The following ABCA13 variants were observed in gnomAD, a reference collection of about 807,000 sequenced individuals.
ABCA13 encodes ATP binding cassette subfamily A member 13, also known as ATP-binding cassette sub-family A member 13.
A neutral mutation model predicts 478.7 loss-of-function variants in ABCA13; 476 were observed. The observed-to-expected ratio is 0.99, with a 90% CI of 0.92 to 1.07. The LOEUF (loss-of-function observed/expected upper bound fraction) is 1.07. Ranked by LOEUF, ABCA13 falls within the 50% of genes least tolerant of loss-of-function variation. The pLI, the probability that ABCA13 is intolerant of heterozygous loss-of-function variation, is 0.00. For synonymous variants in ABCA13, 2,252 were observed against 2,158.9 expected, an observed-to-expected ratio of 1.04 and a Z score of -1.20; for missense variants, 6,060 against 5,910.6, an observed-to-expected ratio of 1.03 and a Z score of -0.83.
At chr7:48,602,284 A>G (rs1364813319) in intron 58 of ABCA13, among the ~76,000 whole-genome samples, 1 of 152,130 alleles carries the variant, frequency 6.6e-6, no homozygotes, top group Non-Finnish European at 1.5e-5. Flanking sequence ...TGTTTTAGTC[A>G]TGAAGTCTTT....
intron 13 of ABCA13, among the ~76,000 whole-genome samples, chr7:48,247,956 C>G (rs1300595672): frequency 1.3e-5 from 2 of 152,180 alleles, no homozygotes; most frequent in African/African-American, 2.4e-5. Context: ...GTCTGGTTCA[C>G]AGGCTACTTG....
At chr7:48,414,415 A>G (rs1819680485) in intron 41 of ABCA13, among the ~76,000 whole-genome samples, 2 of 152,116 alleles carry the variant, frequency 1.3e-5, no homozygotes, top group African/African-American at 4.8e-5. Flanking sequence ...TGCCCAGGAC[A>G]GTTACTGGCA....
intron 46 of ABCA13, among the ~76,000 whole-genome samples, chr7:48,482,084 A>G (rs896377163): frequency 5.9e-5 from 9 of 152,140 alleles, no homozygotes; most frequent in Non-Finnish European, 8.8e-5. Flanking sequence ...AGTTTAATAG[A>G]TACAAGATAC....
intron 59 of ABCA13, among the ~76,000 whole-genome samples, chr7:48,631,132 C>A (rs1036773134): frequency 6.6e-6 from 1 of 151,876 alleles, no homozygotes; most frequent in African/African-American, 2.4e-5. Context: ...TTGATAGTTT[C>A]TTTTGCTTTG....
chr7:48,480,480 G>C (rs996277025), intron 45 of ABCA13, among the ~76,000 whole-genome samples: 6 of 152,198 alleles, frequency 3.9e-5, no homozygotes, highest in Non-Finnish European at 8.8e-5. Flanking sequence ...GCCGGTCTGT[G>C]GCAGGGCAGA....
Position 48,273,144 on chromosome 7 carries a change from A to G in ABCA13, c.3478A>G (p.Thr1160Ala), listed in dbSNP as rs764738175. ...WLQMWTEIWE[T>A]ISQLFKFDMN... Reference sequence around the variant, plus strand: ...TCAAATGTGGACTGAAATCTGGGAAACCATATCTCAATTATTTAAGTTTGA... The same window carrying G: ...TCAAATGTGGACTGAAATCTGGGAAGCCATATCTCAATTATTTAAGTTTGA... The change falls in exon 17 of 62, where the codon ACC (threonine) becomes GCC (alanine). Residue 1160 changes from threonine to alanine, a missense_variant. Thr to Ala is a moderately conservative substitution (Grantham distance 58, BLOSUM62 0). This residue lies in a region of ABCA13 where 4,423 missense variants were observed against 4,309.1 expected (regional missense o/e 1.03). Transcript: ENST00000435803. 3.7e-6 allele frequency: 6 copies of G among 1,613,726 alleles called. No individual in the cohort carries two copies. The South Asian group carries it at 6.6e-5, about 18-fold the overall frequency.
intron 2 of ABCA13, among the ~76,000 whole-genome samples, chr7:48,195,294 G>A (rs1223509706): frequency 1.3e-5 from 2 of 152,206 alleles, no homozygotes; most frequent in African/African-American, 4.8e-5. Context: ...ATAATAAAAT[G>A]AGCATTTAGG....
intron 35 of ABCA13, among the ~76,000 whole-genome samples, chr7:48,381,756 GC>G (rs1443975011): frequency 2.0e-5 from 3 of 152,302 alleles, no homozygotes. Context: ...GCCTGCATAA[GC>G]CAGCAGGCAG....
chr7:48,382,303 T>C (rs914404947), intron 35 of ABCA13, among the ~76,000 whole-genome samples: 4 of 152,180 alleles, frequency 2.6e-5, no homozygotes, highest in Non-Finnish European at 5.9e-5. Context: ...AAATAGACCA[T>C]GTCCCTCCCC....
chr7:48,329,943 A>T (rs546163309), intron 27 of ABCA13, among the ~76,000 whole-genome samples: 3 of 151,684 alleles, frequency 2.0e-5, no homozygotes, highest in Non-Finnish European at 2.9e-5. Flanking sequence ...TCATCCATCC[A>T]TCTAGCCTTC....
At chr7:48,315,404 T>A (rs957230401) in intron 26 of ABCA13, among the ~76,000 whole-genome samples, 2 of 152,210 alleles carry the variant, frequency 1.3e-5, no homozygotes, top group Non-Finnish European at 2.9e-5. Context: ...AAGCTTGCAA[T>A]GTAAAGAGTA....
intron 6 of ABCA13, 89 bp from the exon 7 acceptor site, chr7:48,229,736 G>T: frequency 1.3e-6 from 2 of 1,509,784 alleles, no homozygotes; most frequent in Non-Finnish European, 1.8e-6. Flanking sequence ...TAGGGGCCCA[G>T]TCCATGGGAT....
At chr7:48,474,841 G>A (rs1259662621) in intron 45 of ABCA13, among the ~76,000 whole-genome samples, 2 of 152,138 alleles carry the variant, frequency 1.3e-5, no homozygotes, top group African/African-American at 4.8e-5. Context: ...GCTACCTAAG[G>A]CCTATTGGGA....
chr7:48,489,826 A>G (rs778295988), intron 48 of ABCA13, among the ~76,000 whole-genome samples: 2 of 152,156 alleles, frequency 1.3e-5, no homozygotes, highest in Non-Finnish European at 2.9e-5. Flanking sequence ...ATTTTGGTAA[A>G]TGGCACAGGT....
chr7:48,374,890 G>T lies in ABCA13; in HGVS notation c.11203+474G>T, dbSNP rs561653295. On this transcript the variant is annotated intron_variant, in intron 34 of 61. Coordinates refer to ENST00000435803, the MANE Select transcript of ABCA13 (RefSeq NM_152701.5). ...TTTACAGCCACTCTCCATTGCTCAC[G>T]TTATCGCCTGAGCTCCACCTCCTGT... Among the ~76,000 whole-genome samples the T allele has an allele frequency of 4.6e-5, 7 of 152,282 alleles. No homozygotes were observed. The East Asian group carries it at 1.4e-3, about 29-fold the overall frequency.
chr7:48,462,941 T>A (rs1327973959), intron 43 of ABCA13, among the ~76,000 whole-genome samples: 1 of 152,220 alleles, frequency 6.6e-6, no homozygotes. Context: ...TATCTTTCCT[T>A]AAGGATTTCT....
chr7:48,514,856 T>G (rs377514057), intron 51 of ABCA13, among the ~76,000 whole-genome samples: 1 of 152,300 alleles, frequency 6.6e-6, no homozygotes, highest in Non-Finnish European at 1.5e-5. Flanking sequence ...AGCAACTGTT[T>G]TAGAACAGCT....
intron 57 of ABCA13, among the ~76,000 whole-genome samples, chr7:48,590,291 A>G (rs978627961): frequency 9.9e-5 from 15 of 151,968 alleles, no homozygotes; most frequent in Non-Finnish European, 1.8e-4. Flanking sequence ...ACACACACAC[A>G]CAGTGAGAGA....
intron 20 of ABCA13, among the ~76,000 whole-genome samples, chr7:48,295,178 C>A (rs527299035): frequency 6.6e-6 from 1 of 152,306 alleles, no homozygotes; most frequent in African/African-American, 2.4e-5. Flanking sequence ...TCCTGCACAC[C>A]CTTACCAACA....
Sources: allele counts gnomAD v4.1 joint callset (sites outside exome capture counted in the v4.1 genomes callset), GRCh38; gene constraint gnomAD v4.1.1; regional missense constraint gnomAD v4.1.1; transcripts MANE v1.5; gene names NCBI Gene and HGNC (gene_info 2026-07-23, HGNC 2026-07-21).